The following GALNT7 variants were observed in gnomAD, a reference collection of about 807,000 sequenced individuals.
GALNT7 encodes polypeptide N-acetylgalactosaminyltransferase 7.
A neutral mutation model predicts 82.1 loss-of-function variants in GALNT7; 60 were observed. The ratio of observed to expected loss-of-function variants is 0.73; its 90% CI spans 0.59 to 0.91. The LOEUF is 0.91. Ranked by LOEUF, GALNT7 falls within the 40% of genes least tolerant of loss-of-function variation. The pLI is 0.00. For synonymous variants in GALNT7, 243 were observed against 275.1 expected (o/e 0.88, Z 1.15); for missense variants, 660 against 804.2 (o/e 0.82, Z 2.17).
intron 2 of GALNT7, among the ~76,000 whole-genome samples, chr4:173,276,433 A>AGAAGAGAAAGTCTTCAAGGAATT (rs1735916266): frequency 6.6e-6 from 1 of 152,224 alleles, no homozygotes; most frequent in Admixed American, 6.5e-5. Flanking sequence ...GCCAAGGAAA[A>AGAAGAGAAAGTCTTCAAGGAATT]GAAGAGAAAG....
At chr4:173,288,343 T>G (rs1736415569) in intron 2 of GALNT7, among the ~76,000 whole-genome samples, 1 of 149,546 alleles carries the variant, frequency 6.7e-6, no homozygotes, top group South Asian at 2.1e-4. Context: ...TCCTCTTGAC[T>G]GTTAAAGATG....
At chr4:173,232,502 A>G (rs915880761) in intron 1 of GALNT7, among the ~76,000 whole-genome samples, 1 of 151,622 alleles carries the variant, frequency 6.6e-6, no homozygotes, top group Non-Finnish European at 1.5e-5. Context: ...GCACGACCAT[A>G]GTTCACTGCA....
At chr4:173,239,508 G>A (rs1240224146) in intron 1 of GALNT7, among the ~76,000 whole-genome samples, 1 of 152,204 alleles carries the variant, frequency 6.6e-6, no homozygotes, top group East Asian at 1.9e-4. Context: ...GAAGTGCAAT[G>A]TTAGAAATAT....
intron 1 of GALNT7, among the ~76,000 whole-genome samples, chr4:173,217,005 A>AATCCCAGGTGTGAGCCTGGG (rs1733493339): frequency 6.6e-6 from 1 of 151,872 alleles, no homozygotes; most frequent in African/African-American, 2.4e-5. Context: ...TGCTGGGATT[A>AATCCCAGGTGTGAGCCTGGG]CAGGTGTGAG....
intron 9 of GALNT7, among the ~76,000 whole-genome samples, chr4:173,314,925 T>A (rs903442989): frequency 8.5e-5 from 13 of 152,168 alleles, no homozygotes; most frequent in African/African-American, 3.1e-4. Context: ...TGCCAGTCAC[T>A]CTTCTAGACA....
chr4:173,191,233 G>T (rs1033609110), intron 1 of GALNT7, among the ~76,000 whole-genome samples: 2 of 152,100 alleles, frequency 1.3e-5, no homozygotes, highest in South Asian at 2.1e-4. Context: ...GGGATGGGGG[G>T]GGTACTTGGC....
At chr4:173,317,116 C>T (rs1737634025) in intron 9 of GALNT7, 1 of 152,242 alleles carries the variant, frequency 6.6e-6, no homozygotes, top group African/African-American at 2.4e-5. Context: ...AGATGGAAAC[C>T]TGTGTTTGCT....
At chr4:173,175,439 A>G (rs1385350683) in intron 1 of GALNT7, among the ~76,000 whole-genome samples, 1 of 152,216 alleles carries the variant, frequency 6.6e-6, no homozygotes, top group Non-Finnish European at 1.5e-5. Flanking sequence ...TAGAGCCAGG[A>G]TTCAATCTCA....
chr4:173,179,573 C>T (rs973163873), intron 1 of GALNT7, among the ~76,000 whole-genome samples: 23 of 152,104 alleles, frequency 1.5e-4, no homozygotes, highest in Non-Finnish European at 2.9e-4. Context: ...CAAGTGGAAC[C>T]CTTGATTTAA....
rs2126879200 is a variant in GALNT7 at position 173,320,489 on chromosome 4, T to G, written c.1837-1091T>G. On this transcript the variant is annotated intron_variant, in intron 11 of 11. Transcript: ENST00000265000. This position sits in a 1 kb window ranked among gnomAD's most constrained non-coding sequence, Gnocchi z 4.1. ...TTTGCAAATCTCTTTAATGTCTGGT[T>G]TAATAGAAGAAGACAGCTGGATTCT... 6.6e-6 allele frequency among the ~76,000 whole-genome samples: 1 copy of G among 152,238 alleles called. No individual in the cohort carries two copies. The highest frequency in any genetic ancestry group is 2.4e-5 in the African/African-American group (1 of 41,556).
chr4:173,219,627 CT>C (rs1733581101), intron 1 of GALNT7, among the ~76,000 whole-genome samples: 1 of 152,080 alleles, frequency 6.6e-6, no homozygotes, highest in Non-Finnish European at 1.5e-5. Context: ...AAAGTGTTCC[CT>C]TTTCACCACA....
intron 1 of GALNT7, among the ~76,000 whole-genome samples, chr4:173,191,133 G>A (rs1219337284): frequency 6.6e-6 from 1 of 152,054 alleles, no homozygotes; most frequent in African/African-American, 2.4e-5. Context: ...CACCAATAGG[G>A]CTAAGGCAAT....
chr4:173,269,952 A>G (rs1349596354), intron 2 of GALNT7, among the ~76,000 whole-genome samples: 1 of 152,196 alleles, frequency 6.6e-6, no homozygotes. Flanking sequence ...GAGACACCCC[A>G]CCTCATCAGC....
chr4:173,283,810 AAAC>A (rs1264539466), intron 2 of GALNT7, among the ~76,000 whole-genome samples: 5 of 152,312 alleles, frequency 3.3e-5, no homozygotes, highest in South Asian at 4.1e-4. Flanking sequence ...AGCCTTGGTA[AAAC>A]AACGAGTTTT....
intron 2 of GALNT7, among the ~76,000 whole-genome samples, chr4:173,258,300 G>A (rs1735118744): frequency 6.6e-6 from 1 of 152,180 alleles, no homozygotes; most frequent in African/African-American, 2.4e-5. Flanking sequence ...TGAGTGGAAG[G>A]GCTGGAATTA....
intron 1 of GALNT7, among the ~76,000 whole-genome samples, chr4:173,244,158 ACACTGCAGAGG>A (rs1734533839): frequency 6.6e-6 from 1 of 152,198 alleles, no homozygotes; most frequent in Admixed American, 6.5e-5. Flanking sequence ...GGCTGCTCCC[ACACTGCAGAGG>A]CAGACTTGAA....
chr4:173,304,383 A>T (rs1737067637), intron 8 of GALNT7, among the ~76,000 whole-genome samples: 1 of 151,912 alleles, frequency 6.6e-6, no homozygotes, highest in Non-Finnish European at 1.5e-5. Context: ...TGGATGACAG[A>T]ACGAGACCCC....
chr4:173,313,943 A>ATATAT lies in GALNT7; in HGVS notation c.1390-14_1390-13insATATT, dbSNP rs142053913. The ATATAT allele has an allele frequency of 2.0e-5, 18 of 899,874 alleles. No homozygotes were observed. The African/African-American group carries it at 3.0e-4, about 15-fold the overall frequency. The allele number at this position is 899,874 out of a possible 1,614,324, so 55.7% of individuals were successfully genotyped here. A position where few individuals can be genotyped will look rare whatever the true frequency, so the allele number is the denominator to read the frequency against. ...TTTTTATAACGATATATATATATAT[A>ATATAT]TTTTTTTTTTACAGAATTATGTTAG... On this transcript the variant is annotated splice_polypyrimidine_tract_variant and intron_variant, in intron 8 of 11. Transcript: ENST00000265000.
chr4:173,217,827 G>A (rs1733518697), intron 1 of GALNT7, among the ~76,000 whole-genome samples: 1 of 152,214 alleles, frequency 6.6e-6, no homozygotes, highest in African/African-American at 2.4e-5. Context: ...CACTCTGTGA[G>A]TCATTAAGGA....
Sources: allele counts gnomAD v4.1 joint callset (sites outside exome capture counted in the v4.1 genomes callset), GRCh38; gene constraint gnomAD v4.1.1; non-coding constraint Gnocchi (gnomAD v3.1); transcripts MANE v1.5; gene names NCBI Gene and HGNC (gene_info 2026-07-23, HGNC 2026-07-21).